Variants in ZSWIM6 observed in about 807,000 individuals in gnomAD.
ZSWIM6 encodes zinc finger SWIM domain-containing protein 6.
ZSWIM6 carries 9 observed loss-of-function variants against 113.2 expected under a neutral mutation model. That is an observed-to-expected ratio of 0.08 (90% CI 0.05 to 0.14). The LOEUF is 0.14. Ranked by LOEUF, ZSWIM6 falls within the 10% of genes least tolerant of loss-of-function variation. ZSWIM6 has a pLI of 1.00. For missense variants in ZSWIM6, 1,162 were observed against 1,552.2 expected (o/e 0.75, Z 4.22); for synonymous variants, 611 against 606.5 (o/e 1.01, Z -0.11).
At chr5:61,536,968 A>T (rs1288467397) in intron 10 of ZSWIM6, among the ~76,000 whole-genome samples, 1 of 152,124 alleles carries the variant, frequency 6.6e-6, no homozygotes, top group Non-Finnish European at 1.5e-5. Flanking sequence ...TCCTATTTTT[A>T]TTTTTGGAAG....
intron 1 of ZSWIM6, among the ~76,000 whole-genome samples, chr5:61,336,808 C>G (rs1744408886): frequency 6.6e-6 from 1 of 152,120 alleles, no homozygotes; most frequent in African/African-American, 2.4e-5. Context: ...CACTACAAAT[C>G]AAATTTAGCA....
intron 2 of ZSWIM6, among the ~76,000 whole-genome samples, chr5:61,487,852 A>G (rs905256400): frequency 2.1e-4 from 32 of 152,072 alleles, no homozygotes; most frequent in African/African-American, 7.7e-4. Context: ...TTCTTTTCCA[A>G]TTTGGATGCC....
chr5:61,442,337 C>T (rs909844610), intron 1 of ZSWIM6, among the ~76,000 whole-genome samples: 3 of 152,112 alleles, frequency 2.0e-5, no homozygotes, highest in African/African-American at 7.2e-5. Context: ...TTCGGTCCCA[C>T]CCTTTTTATT....
intron 2 of ZSWIM6, among the ~76,000 whole-genome samples, chr5:61,474,486 AAT>A (rs1192151944): frequency 1.3e-5 from 2 of 152,236 alleles, no homozygotes; most frequent in African/African-American, 2.4e-5. Flanking sequence ...TCTTTAGCTC[AAT>A]ATATCTAAAA....
rs560754415 is a variant in ZSWIM6 at position 61,374,611 on chromosome 5, T to TG, written c.676+41665dup. On this transcript the variant is annotated intron_variant, in intron 1 of 13. Coordinates refer to ENST00000252744, the MANE Select transcript of ZSWIM6 (RefSeq NM_020928.2). ...CTCTGTCGCCCAGGCTGGAGTGCAG[T>TG]GGCCCGATCTCGGCTTACTGCAAGC... Among the ~76,000 whole-genome samples, 6 of 152,224 alleles carry TG rather than the reference T, an allele frequency of 3.9e-5. No individual in the cohort carries two copies. In the South Asian group the frequency reaches 1.2e-3, roughly 31 times the overall value.
At chr5:61,381,678 T>C (rs1191055850) in intron 1 of ZSWIM6, among the ~76,000 whole-genome samples, 1 of 152,134 alleles carries the variant, frequency 6.6e-6, no homozygotes, top group Non-Finnish European at 1.5e-5. Context: ...ATCATCAGAG[T>C]GATATATTTT....
intron 1 of ZSWIM6, among the ~76,000 whole-genome samples, chr5:61,363,745 A>G (rs549301634): frequency 2.0e-5 from 3 of 152,300 alleles, no homozygotes; most frequent in East Asian, 3.9e-4. Context: ...TTAAAAAGGC[A>G]CACAGTTTCT....
chr5:61,538,030 C>G (rs1220509268), intron 10 of ZSWIM6, among the ~76,000 whole-genome samples: 3 of 152,140 alleles, frequency 2.0e-5, no homozygotes, highest in Non-Finnish European at 4.4e-5. Flanking sequence ...CTCAGCTGAT[C>G]CTCCCATCTC....
intron 1 of ZSWIM6, among the ~76,000 whole-genome samples, chr5:61,387,226 A>G (rs1246885618): frequency 2.6e-5 from 4 of 152,194 alleles, no homozygotes; most frequent in Non-Finnish European, 5.9e-5. Flanking sequence ...CCCCAACCAA[A>G]CAGCATATTT....
intron 2 of ZSWIM6, among the ~76,000 whole-genome samples, chr5:61,482,507 A>G (rs957848719): frequency 6.6e-6 from 1 of 152,122 alleles, no homozygotes; most frequent in Non-Finnish European, 1.5e-5. Context: ...AATAGTTAAA[A>G]CTTAGCATTA....
At position 61,545,848 on chromosome 5, in the gene ZSWIM6, G is replaced by A. The variant is rs796465967; in HGVS notation, c.*1531G>A. On this transcript the variant is annotated 3_prime_UTR_variant, in exon 14 of 14. Transcript: ENST00000252744. ...TTAGCTGATGGTTCTGTAACCTTGTGCTTTTTAAAGCAATTTTTATGTTTT... is the reference window on the plus strand; with the variant it reads ...TTAGCTGATGGTTCTGTAACCTTGTACTTTTTAAAGCAATTTTTATGTTTT... The A allele has an allele frequency of 1.3e-5, 2 of 152,114 alleles. No homozygotes were observed. Among genetic ancestry groups the A allele is most frequent in the African/African-American group, 4.8e-5 (2 of 41,524 alleles). 9.4% of individuals were successfully genotyped at this position (152,114 alleles called of 1,614,324 possible). A position where few individuals can be genotyped will look rare whatever the true frequency, so the allele number is the denominator to read the frequency against.
chr5:61,363,896 C>A (rs1420845087), intron 1 of ZSWIM6, among the ~76,000 whole-genome samples: 1 of 148,118 alleles, frequency 6.8e-6, no homozygotes, highest in African/African-American at 2.5e-5. Flanking sequence ...TTCCCTCCTT[C>A]CCTCCTTCCT....
intron 1 of ZSWIM6, among the ~76,000 whole-genome samples, chr5:61,366,143 G>A (rs781463344): frequency 6.6e-6 from 1 of 152,144 alleles, no homozygotes; most frequent in Non-Finnish European, 1.5e-5. Context: ...CGATCTGCCC[G>A]CCTTGGCCTC....
chr5:61,531,466 G>C lies in ZSWIM6; in HGVS notation c.1986G>C (p.Glu662Asp), dbSNP rs763282681. ...ENLSGFSDFT[E>D]NMGQCKSLEY... ...GATTTCTTTTGTGGCATTTTGCAGA[G>C]AATATGGGACAGTGCAAGTCTCTGG... The change falls in exon 9 of 14, where the codon GAG becomes GAC. Residue 662 changes from glutamate to aspartate, a missense_variant and splice_region_variant. By Grantham distance (45) the Glu-to-Asp change is conservative. Coordinates refer to ENST00000252744, the MANE Select transcript of ZSWIM6 (RefSeq NM_020928.2). The C allele has an allele frequency of 8.7e-5, 134 of 1,544,398 alleles. No homozygotes were observed. The highest frequency in any genetic ancestry group is 1.1e-4 in the Non-Finnish European group (131 of 1,141,066).
At chr5:61,444,271 A>C (rs949688676) in intron 1 of ZSWIM6, among the ~76,000 whole-genome samples, 3 of 152,072 alleles carry the variant, frequency 2.0e-5, no homozygotes, top group Non-Finnish European at 4.4e-5. Flanking sequence ...TACAAAGGAC[A>C]TGAACTCATC....
Position 61,491,413 on chromosome 5 carries a change from A to G in ZSWIM6, c.1182+479A>G, listed in dbSNP as rs149007893. 1.1e-3 allele frequency among the ~76,000 whole-genome samples: 164 copies of G among 152,188 alleles called. 3 individuals are homozygous for G. The highest frequency in any genetic ancestry group is 1.8e-3 in the Non-Finnish European group (122 of 67,960). ...TTGAATCCAAGTTCTAGATCTTTCT[A>G]AGTATATAAACCTTGGCAAATTATT... On this transcript the variant is annotated intron_variant, in intron 3 of 13. Transcript: ENST00000252744.
At chr5:61,481,857 T>C (rs1747875595) in intron 2 of ZSWIM6, among the ~76,000 whole-genome samples, 1 of 152,156 alleles carries the variant, frequency 6.6e-6, no homozygotes, top group East Asian at 1.9e-4. Context: ...TGACTTTCCC[T>C]GAAGGCCTGA....
intron 1 of ZSWIM6, among the ~76,000 whole-genome samples, chr5:61,423,913 A>C (rs1300668362): frequency 6.6e-6 from 1 of 152,174 alleles, no homozygotes; most frequent in Non-Finnish European, 1.5e-5. Flanking sequence ...CACCTCCTCA[A>C]TGAACCTTTA....
At chr5:61,339,280 G>A (rs1029367527) in intron 1 of ZSWIM6, among the ~76,000 whole-genome samples, 5 of 152,068 alleles carry the variant, frequency 3.3e-5, no homozygotes, top group South Asian at 2.1e-4. Context: ...GTGGTACACC[G>A]CTGTAATCCC....
Sources: allele counts gnomAD v4.1 joint callset (sites outside exome capture counted in the v4.1 genomes callset), GRCh38; gene constraint gnomAD v4.1.1; transcripts MANE v1.5; gene names NCBI Gene and HGNC (gene_info 2026-07-23, HGNC 2026-07-21).